Variants in SLCO1B1 observed in about 807,000 individuals in gnomAD.
SLCO1B1 encodes OATP-2.
In SLCO1B1, 81 loss-of-function variants were observed where a neutral mutation model predicts 70.1. The observed-to-expected ratio is 1.16, with a 90% confidence interval of 0.97 to 1.39. The LOEUF (loss-of-function observed/expected upper bound fraction) is 1.39, where lower values mean the gene tolerates loss of function less well. Among genes scored for constraint, SLCO1B1 ranks in the 40% most tolerant of loss-of-function variants. SLCO1B1 has a pLI of 0.00. For missense variants in SLCO1B1, 895 were observed against 799.6 expected (o/e 1.12, Z -1.44); for synonymous variants, 283 against 271.5 (o/e 1.04, Z -0.42).
At chr12:21,231,388 T>G (rs1941535772) in intron 14 of SLCO1B1, among the ~76,000 whole-genome samples, 1 of 149,960 alleles carries the variant, frequency 6.7e-6, no homozygotes, top group Non-Finnish European at 1.5e-5. Context: ...TTTTAGAGAG[T>G]TCTATCCTCC....
intron 2 of SLCO1B1, among the ~76,000 whole-genome samples, chr12:21,146,893 CTGT>C (rs1168511085): frequency 1.3e-5 from 2 of 152,142 alleles, no homozygotes; most frequent in East Asian, 1.9e-4. Flanking sequence ...AATGTGTATT[CTGT>C]TGTTGTTGGA....
At chr12:21,196,887 C>G (rs199773642) in intron 7 of SLCO1B1, 59 bp from the exon 8 acceptor site, 6 of 1,529,970 alleles carry the variant, frequency 3.9e-6, no homozygotes, top group Non-Finnish European at 5.4e-6. Flanking sequence ...CCATTATTTC[C>G]CTGAACCTAT....
At chr12:21,199,838 A>T (rs183639046) in intron 8 of SLCO1B1, among the ~76,000 whole-genome samples, 1 of 151,670 alleles carries the variant, frequency 6.6e-6, no homozygotes, top group Non-Finnish European at 1.5e-5. Flanking sequence ...TTGTTGCTCT[A>T]TTGCCTAGGC....
intron 2 of SLCO1B1, among the ~76,000 whole-genome samples, chr12:21,164,627 A>G (rs970680216): frequency 6.6e-6 from 1 of 152,140 alleles, no homozygotes; most frequent in African/African-American, 2.4e-5. Context: ...ACATATTTCT[A>G]TCCTTACACT....
rs370610226 is a variant in SLCO1B1 at position 21,140,503 on chromosome 12, T to C, written c.-61-1011T>C. Among the ~76,000 whole-genome samples, 134 of 152,086 alleles carry C rather than the reference T, an allele frequency of 8.8e-4. 3 individuals carry two copies. In the South Asian group the frequency reaches 0.027, roughly 31 times the overall value. ...CTCTCATACATTGACTCCAAAACTT[T>C]AGTTGTTGAATTTATTCTGCAGATA... On this transcript the variant is annotated intron_variant, in intron 1 of 14. Transcript: ENST00000256958.
chr12:21,140,322 A>T (rs1157656243), intron 1 of SLCO1B1, among the ~76,000 whole-genome samples: 9 of 152,090 alleles, frequency 5.9e-5, no homozygotes, highest in Non-Finnish European at 1.3e-4. Flanking sequence ...AGATACATAA[A>T]TATGTATTGT....
intron 14 of SLCO1B1, among the ~76,000 whole-genome samples, chr12:21,231,116 T>G (rs1424795592): frequency 1.3e-5 from 2 of 151,950 alleles, no homozygotes; most frequent in Non-Finnish European, 1.5e-5. Context: ...GAATGATGGT[T>G]TCCAGCTTCA....
chr12:21,198,565 G>A (rs1941120474), intron 8 of SLCO1B1, among the ~76,000 whole-genome samples: 1 of 152,024 alleles, frequency 6.6e-6, no homozygotes, highest in African/African-American at 2.4e-5. Flanking sequence ...TCTCTATTAT[G>A]AACAGTTTTT....
At chr12:21,220,511 G>A (rs1941410862) in intron 12 of SLCO1B1, among the ~76,000 whole-genome samples, 1 of 151,994 alleles carries the variant, frequency 6.6e-6, no homozygotes, top group Admixed American at 6.6e-5. Context: ...TAAAATCCAT[G>A]GAACTAATGA....
In SLCO1B1 at chr12:21,179,015, A is replaced by T. The variant is rs1054367551; in HGVS notation, c.722A>T (p.Asp241Val). The change falls in exon 7 of 15, where the codon GAT becomes GTT. Residue 241 changes from aspartate to valine, a missense_variant. Physicochemically the swap from Asp to Val is radical, Grantham distance 152. Coordinates refer to ENST00000256958, the MANE Select transcript of SLCO1B1 (RefSeq NM_006446.5). Reference sequence around the variant, plus strand: ...ATGTACGTGGATATTGGATATGTAGATCTAAGTAAGTACAACCAGAACAAG... The same window carrying T: ...ATGTACGTGGATATTGGATATGTAGTTCTAAGTAAGTACAACCAGAACAAG... ...SKMYVDIGYVDLSTIRITPTD... is the reference protein window; with the variant it reads ...SKMYVDIGYVVLSTIRITPTD... 1.9e-6 allele frequency: 3 copies of T among 1,592,912 alleles called. No homozygotes were observed.
At chr12:21,216,555 A>T (rs972678355) in intron 11 of SLCO1B1, among the ~76,000 whole-genome samples, 1 of 152,140 alleles carries the variant, frequency 6.6e-6, no homozygotes, top group African/African-American at 2.4e-5. Flanking sequence ...CCTCTCTGGT[A>T]ATAATATCAT....
At chr12:21,213,772 TC>T (rs1291762546) in intron 11 of SLCO1B1, among the ~76,000 whole-genome samples, 3 of 149,162 alleles carry the variant, frequency 2.0e-5, no homozygotes, top group Non-Finnish European at 4.5e-5. Flanking sequence ...TTCTTTTTAT[TC>T]TTTTTTCTCT....
chr12:21,189,061 T>C (rs968058293), intron 7 of SLCO1B1, among the ~76,000 whole-genome samples: 1 of 152,242 alleles, frequency 6.6e-6, no homozygotes, highest in Non-Finnish European at 1.5e-5. Context: ...TGAATAGTGC[T>C]GCAATGAACG....
chr12:21,222,392 AAAAAAATATATATATATATATAT>A (rs1381516892), intron 13 of SLCO1B1, 28 bp downstream of exon 13: 1 of 260,036 alleles, frequency 3.8e-6, no homozygotes, highest in East Asian at 8.8e-5. Context: ...AAAAAAAAAA[AAAAAAATATATATATATATATAT>A]ATATATATAT....
intron 7 of SLCO1B1, among the ~76,000 whole-genome samples, chr12:21,195,958 TTGAGCCAGGGA>T (rs1299091877): frequency 1.3e-5 from 2 of 152,202 alleles, no homozygotes; most frequent in African/African-American, 4.8e-5. Flanking sequence ...TCAGTCTATG[TTGAGCCAGGGA>T]ATAGAGCTAT....
intron 3 of SLCO1B1, among the ~76,000 whole-genome samples, chr12:21,173,771 C>CT (rs55687335): frequency 0.016 from 1,795 of 114,974 alleles, 53 homozygotes; most frequent in South Asian, 0.028. Context: ...GTGGTCATGA[C>CT]TTTTTTTTTT....
At chr12:21,147,038 G>A (rs1940395648) in intron 2 of SLCO1B1, among the ~76,000 whole-genome samples, 9 of 152,074 alleles carry the variant, frequency 5.9e-5, no homozygotes, top group Admixed American at 5.2e-4. Context: ...ATACCATAGT[G>A]TATTCATTTA....
intron 14 of SLCO1B1, among the ~76,000 whole-genome samples, chr12:21,232,400 A>C (rs7969061): frequency 1.3e-5 from 2 of 151,962 alleles, no homozygotes; most frequent in Non-Finnish European, 2.9e-5. Flanking sequence ...ACTGCCACAT[A>C]GTTACAAGAT....
At chr12:21,214,240 G>C (rs1209785358) in intron 11 of SLCO1B1, among the ~76,000 whole-genome samples, 1 of 151,962 alleles carries the variant, frequency 6.6e-6, no homozygotes, top group Non-Finnish European at 1.5e-5. Context: ...ATGGGTTTTC[G>C]GTGTGGATGT....
Sources: gnomAD v4.1 joint callset for allele counts (sites outside exome capture counted in the v4.1 genomes callset) on GRCh38, gnomAD v4.1.1 for gene constraint, MANE v1.5 for transcripts, NCBI Gene and HGNC (gene_info 2026-07-23, HGNC 2026-07-21) for gene names.